Variants in PER1 observed in about 807,000 individuals in gnomAD.
The protein encoded by PER1 is period circadian regulator 1.
PER1 carries 87 observed loss-of-function variants against 125.9 expected under a neutral mutation model. The ratio of observed to expected loss-of-function variants is 0.69; its 90% CI spans 0.58 to 0.83. PER1 has a LOEUF of 0.83. PER1 is among the 40% of genes least tolerant of loss of function. PER1 has a pLI of 0.00. For synonymous variants in PER1, 801 were observed against 714.7 expected (o/e 1.12, Z -1.93); for missense variants, 1,775 against 1,722.8 (o/e 1.03, Z -0.54).
rs749711812 is a variant in PER1, at chr17:8,143,512, A to C, written c.2826T>G (p.Pro942=). The change falls in exon 19 of 23, where the codon CCT becomes CCG. Residue 942 remains proline (P), a synonymous_variant. Transcript: ENST00000317276. ...SSYPYGALQT[P]AEGPPTPASH... ...AGGCAGGAGTGGGAGGCCCTTCAGC[A>C]GGGGTCTGGAGTGCCCCATAAGGAT... The C allele has an allele frequency of 5.8e-6, 9 of 1,549,762 alleles. No homozygotes were observed. In the East Asian group the frequency reaches 1.8e-4, roughly 32 times the overall value.
rs965321665 is a variant in PER1 at position 8,146,942 on chromosome 17, A to C, written c.1690T>G (p.Phe564Val). 22 of 1,614,130 alleles carry C rather than the reference A, an allele frequency of 1.4e-5. No individual in the cohort carries two copies. The highest frequency in any genetic ancestry group is 1.8e-5 in the Non-Finnish European group (21 of 1,180,004). Residue 564 changes from phenylalanine (F) to valine (V), a missense_variant, in exon 14 of 23, where the codon TTT (phenylalanine) becomes GTT (valine). Physicochemically the swap from Phe to Val is conservative, Grantham distance 50. Coordinates refer to ENST00000317276, the MANE Select transcript of PER1 (RefSeq NM_002616.3). ...TGAGGCCGGGCCCGAGACTCAATAA[A>C]AAGCTGCTGGCCCTGGTGCTTCACC... ...HLVKHQGQQL[F>V]IESRARPQSR...
In PER1 at chr17:8,142,081, C is replaced by T. The variant is rs1188028696; in HGVS notation, c.3450-126G>A. On this transcript the variant is annotated intron_variant, in intron 21 of 22. Coordinates refer to ENST00000317276, the MANE Select transcript of PER1 (RefSeq NM_002616.3). ...GCTCCTCCCCTAAACTAGTGCTATG[C>T]GAGGTCAAGGCTTCCAAGACCAGGA... is the stretch of plus-strand genomic sequence containing the variant. 5.5e-5 allele frequency: 73 copies of T among 1,336,758 alleles called. 2 individuals carry two copies. The South Asian group carries it at 7.8e-4, about 14-fold the overall frequency. 82.8% of individuals were successfully genotyped at this position (1,336,758 alleles called of 1,614,324 possible).
Position 8,147,333 on chromosome 17 carries a change from T to C in PER1, c.1546A>G (p.Thr516Ala). 1 of 1,613,622 alleles carries C rather than the reference T, an allele frequency of 6.2e-7. No individual in the cohort carries two copies. Among genetic ancestry groups the C allele is most frequent in the Middle Eastern group, 1.6e-4 (1 of 6,062 alleles). Reference sequence around the variant, plus strand: ...GGGCTGTGGAGAGGGCCTGGGGATGTCACGGCGCCGACTCCACAGAGTCCC... The same window carrying C: ...GGGCTGTGGAGAGGGCCTGGGGATGCCACGGCGCCGACTCCACAGAGTCCC... Reference protein sequence around the residue: ...PTGLCGVGAVTSPGPLHSPGS... With the variant: ...PTGLCGVGAVASPGPLHSPGS... The change falls in exon 13 of 23, where the codon ACA (threonine) becomes GCA (alanine). Residue 516 changes from threonine to alanine, a missense_variant. Physicochemically the swap from Thr to Ala is moderately conservative, Grantham distance 58. Coordinates refer to ENST00000317276, the MANE Select transcript of PER1 (RefSeq NM_002616.3).
chr17:8,146,969 G>A lies in PER1; in HGVS notation c.1663C>T (p.Leu555=), dbSNP rs1376740280. The change falls in exon 14 of 23, where the codon CTG becomes TTG. Residue 555 remains leucine (L), a synonymous_variant. Transcript: ENST00000317276. ...TFQQICKDVH[L]VKHQGQQLFI... ...AGCTGCTGGCCCTGGTGCTTCACCA[G>A]ATGCACATCCTTACAGATCTGCTGG... 2.6e-5 allele frequency: 42 copies of A among 1,613,946 alleles called. No homozygotes were observed. Among genetic ancestry groups the A allele is most frequent in the Non-Finnish European group, 3.3e-5 (39 of 1,179,988 alleles).
chr17:8,141,385 C>A, intron 22 of PER1, 45 bp from the exon 23 acceptor site: 1 of 1,544,836 alleles, frequency 6.5e-7, no homozygotes, highest in African/African-American at 1.4e-5. Flanking sequence ...AGGGTTCTCA[C>A]TGCTAACCTG....
rs376798547 is a variant in PER1, at chr17:8,146,354, G to T, written c.2038+18C>A. The T allele has an allele frequency of 2.5e-6, 4 of 1,587,088 alleles. No homozygotes were observed. The highest frequency in any genetic ancestry group is 3.4e-6 in the Non-Finnish European group (4 of 1,165,728). On this transcript the variant is annotated intron_variant, in intron 16 of 22. Coordinates refer to ENST00000317276, the MANE Select transcript of PER1 (RefSeq NM_002616.3). ...GGCCAGGACGGGGCAGTGGGAGCAG[G>T]GTGCATTGGATCTTTACCTTTCTTG... is the stretch of plus-strand genomic sequence containing the variant.
chr17:8,144,648 G>C (rs1220845001), intron 18 of PER1, 103 bp downstream of exon 18: 1 of 1,461,610 alleles, frequency 6.8e-7, no homozygotes, highest in South Asian at 1.2e-5. Flanking sequence ...AGCAACACCA[G>C]CCTGGGTCCC....
At chr17:8,148,518 C>T (rs1416217391) in intron 8 of PER1, 126 bp downstream of exon 8, 3 of 1,243,544 alleles carry the variant, frequency 2.4e-6, no homozygotes, top group Admixed American at 2.3e-5. Context: ...AAATCCTCAT[C>T]TTTACAATAG....
At position 8,150,613 on chromosome 17, in the gene PER1, G is replaced by C; in HGVS notation, c.94C>G (p.Gln32Glu). Reference sequence around the variant, plus strand: ...CTGGGGCCTGGGCAAGGCCGGTGCTGTGGGGGCCCAGGGGATGGGACGCCC... The same window carrying C: ...CTGGGGCCTGGGCAAGGCCGGTGCTCTGGGGGCCCAGGGGATGGGACGCCC... ...PGGVPSPGPP[Q>E]HRPCPGPSLA... is the part of the protein sequence containing the mutation. The change falls in exon 2 of 23, where the codon CAG becomes GAG. Residue 32 changes from glutamine (Q) to glutamate (E), a missense_variant. By Grantham distance (29) the Gln-to-Glu change is conservative. Coordinates refer to ENST00000317276, the MANE Select transcript of PER1 (RefSeq NM_002616.3). The C allele has an allele frequency of 6.2e-7, 1 of 1,613,526 alleles. No individual in the cohort carries two copies.
intron 22 of PER1, 35 bp from the exon 23 acceptor site, chr17:8,141,375 AG>A: frequency 1.3e-6 from 2 of 1,566,358 alleles, no homozygotes; most frequent in Non-Finnish European, 8.6e-7. Context: ...AGAGTCAGAC[AG>A]GGTTCTCACT....
At chr17:8,147,125 AGAAGGAAAAG>A in intron 13 of PER1, 115 bp downstream of exon 13, 1 of 1,416,006 alleles carries the variant, frequency 7.1e-7, no homozygotes, top group South Asian at 1.3e-5. Context: ...GAGCAGGACA[AGAAGGAAAAG>A]GCAGGAAGGA....
In PER1 at chr17:8,147,294, C is replaced by A. The variant is rs1982513697; in HGVS notation, c.1585G>T (p.Asp529Tyr). The A allele has an allele frequency of 6.2e-7, 1 of 1,613,414 alleles. No homozygotes were observed. The highest frequency in any genetic ancestry group is 8.5e-7 in the Non-Finnish European group (1 of 1,179,764). The change falls in exon 13 of 23, where the codon GAT becomes TAT. Residue 529 changes from aspartate to tyrosine, a missense_variant. Transcript: ENST00000317276. Reference protein sequence around the residue: ...GPLHSPGSSSDSNGGDAEGPG... With the variant: ...GPLHSPGSSSYSNGGDAEGPG... ...CCCTCTGCATCACCCCCGTTGCTATCACTGGAGGACCCAGGGCTGTGGAGA... is the reference window on the plus strand; with the variant it reads ...CCCTCTGCATCACCCCCGTTGCTATAACTGGAGGACCCAGGGCTGTGGAGA...
intron 18 of PER1, chr17:8,144,403 T>C (rs1040512667): frequency 2.3e-5 from 10 of 430,454 alleles, no homozygotes; most frequent in African/African-American, 4.1e-5. Context: ...CCACCCAGAG[T>C]TGGCCCAGAA....
At chr17:8,146,860 G>C (rs1273132516) in intron 14 of PER1, 37 bp downstream of exon 14, 1 of 1,607,664 alleles carries the variant, frequency 6.2e-7, no homozygotes, top group Non-Finnish European at 8.5e-7. Context: ...GGACCCCCCA[G>C]GTCTGTCTCT....
In PER1 at chr17:8,143,797, G is replaced by A. The variant is rs2151859638; in HGVS notation, c.2541C>T (p.Asn847=). 1 of 1,611,862 alleles carries A rather than the reference G, an allele frequency of 6.2e-7. No individual in the cohort carries two copies. The highest frequency in any genetic ancestry group is 8.5e-7 in the Non-Finnish European group (1 of 1,178,784). ...CATAGCAGGGCGCTTCAGCCCGAGG[G>A]TTCTGGTGGTGGCGTGAGCGCTTGG... ...SKAKRSRHHQ[N]PRAEAPCYVS... is the part of the protein sequence containing the mutation. Residue 847 remains asparagine (N), a synonymous_variant, in exon 19 of 23, where the codon AAC becomes AAT. Coordinates refer to ENST00000317276, the MANE Select transcript of PER1 (RefSeq NM_002616.3).
In PER1 at chr17:8,148,662, T is replaced by C. The variant is rs769554705; in HGVS notation, c.1030A>G (p.Ile344Val). The C allele has an allele frequency of 1.3e-5, 21 of 1,610,332 alleles. No individual in the cohort carries two copies. The highest frequency in any genetic ancestry group is 1.7e-5 in the Non-Finnish European group (20 of 1,178,768). The part of the protein sequence containing the change: ...QPCCLLIAER[I>V]HSGYEAPRIP... Reference sequence around the variant, plus strand: ...TGCCCACCTTCGTAACCCGAATGGATGCGCTCTGCAATCAGCAGGCAGCAC... The same window carrying C: ...TGCCCACCTTCGTAACCCGAATGGACGCGCTCTGCAATCAGCAGGCAGCAC... Residue 344 changes from isoleucine to valine, a missense_variant, in exon 8 of 23, where the codon ATC becomes GTC. Ile to Val is a conservative substitution (Grantham distance 29). Coordinates refer to ENST00000317276, the MANE Select transcript of PER1 (RefSeq NM_002616.3).
intron 7 of PER1, 180 bp downstream of exon 7, chr17:8,149,079 C>T (rs957777806): frequency 1.2e-5 from 8 of 652,726 alleles, no homozygotes; most frequent in Admixed American, 2.6e-5. Flanking sequence ...ATCCCAGCTA[C>T]TTGGGAGGCT....
intron 6 of PER1, 37 bp from the exon 7 acceptor site, chr17:8,149,347 GC>G (rs1462427630): frequency 1.2e-6 from 2 of 1,610,988 alleles, no homozygotes; most frequent in South Asian, 2.2e-5. Flanking sequence ...ACAGCTTCCT[GC>G]CCCTTCCCTA....
chr17:8,142,689 T>TGAACCAGACCCAGAGCCC lies in PER1; in HGVS notation c.3201_3218dup (p.Gly1070_Ser1075dup). 1 of 1,613,994 alleles carries TGAACCAGACCCAGAGCCC rather than the reference T, an allele frequency of 6.2e-7. No individual in the cohort carries two copies. Among genetic ancestry groups the TGAACCAGACCCAGAGCCC allele is most frequent in the Non-Finnish European group, 8.5e-7 (1 of 1,180,012 alleles). On this transcript the variant is annotated inframe_insertion, in exon 20 of 23. Transcript: ENST00000317276. Reference sequence around the variant, plus strand: ...AGGTGCTGCCCCCTTCATGGGAGCCTGAACCAGACCCAGAGCCCAAGCCAG... The same window carrying TGAACCAGACCCAGAGCCC: ...AGGTGCTGCCCCCTTCATGGGAGCCTGAACCAGACCCAGAGCCCGAACCAGACCCAGAGCCCAAGCCAG...
Sources: gnomAD v4.1 joint callset for allele counts on GRCh38, gnomAD v4.1.1 for gene constraint, MANE v1.5 for transcripts, NCBI Gene and HGNC (gene_info 2026-07-23, HGNC 2026-07-21) for gene names.